NEIL3: variants seen among roughly 807,000 people sequenced by gnomAD.
NEIL3 encodes the protein nei like DNA glycosylase 3.
In NEIL3, 48 loss-of-function variants were observed where a neutral mutation model predicts 57.5. The observed-to-expected ratio is 0.83, with a 90% CI of 0.66 to 1.06. The LOEUF is 1.06. Among genes scored for constraint, NEIL3 ranks in the 50% least tolerant of loss-of-function variants. The pLI is 0.00. For synonymous variants in NEIL3, 261 were observed against 253.2 expected (o/e 1.03, Z -0.29); for missense variants, 717 against 739.1 (o/e 0.97, Z 0.35).
the NEIL3 span, among the ~76,000 whole-genome samples, chr4:177,368,062 T>C: frequency 6.6e-6 from 1 of 152,204 alleles, no homozygotes; most frequent in Admixed American, 6.5e-5. Flanking sequence ...TAAGCTATTC[T>C]CCTTCTCATT....
downstream of NEIL3, among the ~76,000 whole-genome samples, chr4:177,364,742 A>G: frequency 6.6e-6 from 1 of 152,102 alleles, no homozygotes. Context: ...ATCCTGGCCA[A>G]CATGGTGAAA....
At chr4:177,343,819 A>G (rs1481963021) in intron 6 of NEIL3, 1 of 151,684 alleles carries the variant, frequency 6.6e-6, no homozygotes, top group Admixed American at 6.6e-5. Flanking sequence ...ATGAACAAGA[A>G]CTTTCATAGT....
intron 9 of NEIL3, among the ~76,000 whole-genome samples, chr4:177,361,651 T>A (rs146803018): frequency 3.7e-4 from 57 of 152,334 alleles, no homozygotes; most frequent in African/African-American, 1.3e-3. Flanking sequence ...TTTTCATATC[T>A]CTCTTGAGGT....
At chr4:177,344,276 G>A (rs1245485983) in intron 6 of NEIL3, among the ~76,000 whole-genome samples, 2 of 152,140 alleles carry the variant, frequency 1.3e-5, no homozygotes, top group East Asian at 3.8e-4. Flanking sequence ...AAACCAAGAT[G>A]ATTTGCCCTG....
chr4:177,339,779 C>T lies in NEIL3; in HGVS notation c.628-4C>T, dbSNP rs1418633922. On this transcript the variant is annotated splice_polypyrimidine_tract_variant and splice_region_variant and intron_variant, in intron 4 of 9. Transcript: ENST00000264596. ...CTAGGCTCTGCTGTTTTTTCCACTT[C>T]AAGGTTTGTCAATTAACAGATGAAC... The T allele has an allele frequency of 6.2e-7, 1 of 1,606,958 alleles. No individual in the cohort carries two copies. The highest frequency in any genetic ancestry group is 1.3e-5 in the African/African-American group (1 of 74,838).
chr4:177,365,621 CTATTT>C (rs1476089785), downstream of NEIL3, among the ~76,000 whole-genome samples: 1 of 152,034 alleles, frequency 6.6e-6, no homozygotes, highest in Non-Finnish European at 1.5e-5. Flanking sequence ...ATTTGAGTAA[CTATTT>C]TGTTTTTATT....
chr4:177,354,991 G>A (rs1354375485), intron 8 of NEIL3, among the ~76,000 whole-genome samples: 10 of 151,774 alleles, frequency 6.6e-5, no homozygotes, highest in East Asian at 1.9e-4. Flanking sequence ...AATGATTATC[G>A]GCAGCTCCTG....
rs201257637 is a variant in NEIL3, at chr4:177,336,218, G to T, written c.524G>T (p.Arg175Leu). Residue 175 changes from arginine to leucine, a missense_variant, in exon 4 of 10, where the codon CGG becomes CTG. Physicochemically the swap from Arg to Leu is moderately radical, Grantham distance 102. Coordinates refer to ENST00000264596, the MANE Select transcript of NEIL3 (RefSeq NM_018248.3). ...AESEVKKQKG[R>L]MLGDVLMDQN... ...AGTGAAGTTAAAAAACAGAAAGGCC[G>T]GATGCTAGGTGATGTGCTAATGGAT... 14 of 1,614,060 alleles carry T rather than the reference G, an allele frequency of 8.7e-6. No individual in the cohort carries two copies. The East Asian group carries it at 3.1e-4, about 36-fold the overall frequency.
the NEIL3 span, among the ~76,000 whole-genome samples, chr4:177,370,352 A>T: frequency 6.6e-6 from 1 of 152,284 alleles, no homozygotes; most frequent in South Asian, 2.1e-4. Flanking sequence ...CTTCAAGTGC[A>T]TGGAAACACT....
chr4:177,353,280 T>C (rs746516518), intron 7 of NEIL3, 28 bp from the exon 8 acceptor site: 10 of 1,566,574 alleles, frequency 6.4e-6, no homozygotes, highest in Non-Finnish European at 6.1e-6. Context: ...TATGGGACTA[T>C]TGCAGAATTA....
downstream of NEIL3, among the ~76,000 whole-genome samples, chr4:177,367,689 G>A (rs1274912581): frequency 6.6e-6 from 1 of 152,146 alleles, no homozygotes; most frequent in Non-Finnish European, 1.5e-5. Flanking sequence ...TCTCTTTGGA[G>A]TTTATCTGCC....
At chr4:177,337,580 A>G (rs1168317849) in intron 4 of NEIL3, among the ~76,000 whole-genome samples, 1 of 152,226 alleles carries the variant, frequency 6.6e-6, no homozygotes, top group Non-Finnish European at 1.5e-5. Flanking sequence ...TTGTTTTTGA[A>G]AAAAAGAGAA....
intron 6 of NEIL3, among the ~76,000 whole-genome samples, chr4:177,345,701 T>G (rs1210790476): frequency 7.2e-6 from 1 of 139,602 alleles, no homozygotes; most frequent in Admixed American, 7.4e-5. Flanking sequence ...TTTTTTTTTT[T>G]TTTCTTGAGA....
At chr4:177,357,843 A>G (rs189720477) in intron 8 of NEIL3, among the ~76,000 whole-genome samples, 7 of 152,370 alleles carry the variant, frequency 4.6e-5, no homozygotes, top group Admixed American at 2.0e-4. Context: ...TGTTGTATTA[A>G]TAGATCACTT....
chr4:177,313,731 C>T (rs1734519164), intron 1 of NEIL3, among the ~76,000 whole-genome samples: 1 of 152,236 alleles, frequency 6.6e-6, no homozygotes, highest in East Asian at 1.9e-4. Flanking sequence ...TTCCATCACT[C>T]CTTAAAATTT....
rs576611255 is a variant in NEIL3 at position 177,310,120 on chromosome 4, C to T, written c.156+11C>T. ...GTGGTCTCCCCGCAGGTGAGCTACT[C>T]CTGTAACAGGCCATGCAGTCAGCAG... is the stretch of plus-strand genomic sequence containing the variant. On this transcript the variant is annotated intron_variant, in intron 1 of 9. Transcript: ENST00000264596. 5.3e-5 allele frequency: 83 copies of T among 1,556,816 alleles called. No homozygotes were observed. The South Asian group carries it at 9.8e-4, about 18-fold the overall frequency.
At chr4:177,333,667 AG>A (rs1734922773) in intron 2 of NEIL3, among the ~76,000 whole-genome samples, 1 of 152,186 alleles carries the variant, frequency 6.6e-6, no homozygotes, top group Non-Finnish European at 1.5e-5. Flanking sequence ...TCCTCTTTGC[AG>A]GGAGACCTTC....
At chr4:177,333,476 C>T (rs1031681054) in intron 2 of NEIL3, among the ~76,000 whole-genome samples, 3 of 152,186 alleles carry the variant, frequency 2.0e-5, no homozygotes, top group African/African-American at 7.2e-5. Context: ...TATTTATTAT[C>T]TTTTGTTGAC....
chr4:177,346,999 C>T (rs145777607), intron 6 of NEIL3, among the ~76,000 whole-genome samples: 1,503 of 82,020 alleles, frequency 0.018, 23 homozygotes, highest in African/African-American at 0.073. Context: ...GAGACTCCGT[C>T]TCAAAAAAAA....
Sources: gnomAD v4.1 joint callset for allele counts (sites outside exome capture counted in the v4.1 genomes callset) on GRCh38, gnomAD v4.1.1 for gene constraint, MANE v1.5 for transcripts, NCBI Gene and HGNC (gene_info 2026-07-23, HGNC 2026-07-21) for gene names.